The following DLGAP1 variants were observed in gnomAD, a reference collection of about 807,000 sequenced individuals.
DLGAP1 encodes the protein disks large-associated protein 1.
Under a neutral mutation model 90.8 loss-of-function variants are expected in DLGAP1, and 11 were observed. The ratio of observed to expected loss-of-function variants is 0.12; its 90% confidence interval spans 0.08 to 0.20. The LOEUF (loss-of-function observed/expected upper bound fraction) is 0.20, where lower values mean the gene tolerates loss of function less well. Ranked by LOEUF, DLGAP1 falls within the 10% of genes least tolerant of loss-of-function variation. The probability of loss-of-function intolerance (pLI) is 1.00; values close to 1 mark genes in which losing one functional copy is unlikely to be tolerated. For synonymous variants in DLGAP1, 558 were observed against 540.7 expected (o/e 1.03, Z -0.44); for missense variants, 1,050 against 1,333.8 (o/e 0.79, Z 3.31).
At chr18:3,980,138 A>AAAAT (rs1351396816) in intron 3 of DLGAP1, among the ~76,000 whole-genome samples, 1 of 152,178 alleles carries the variant, frequency 6.6e-6, no homozygotes, top group Non-Finnish European at 1.5e-5. Flanking sequence ...TTCATCTCAA[A>AAAAT]AAATAAATAA....
intron 8 of DLGAP1, among the ~76,000 whole-genome samples, chr18:3,581,664 G>GA (rs71159093): frequency 0.89 from 126,236 of 141,992 alleles, 56,398 homozygotes; most frequent in East Asian, 0.99. Context: ...TTCTCACCAT[G>GA]AAAAAAAAAA....
chr18:4,369,908 C>T (rs2081878642), intron 1 of DLGAP1, among the ~76,000 whole-genome samples: 1 of 150,098 alleles, frequency 6.7e-6, no homozygotes. Flanking sequence ...ACACAAAGGG[C>T]CAGGAAGGGG....
chr18:4,409,708 A>G (rs544191546), intron 1 of DLGAP1, among the ~76,000 whole-genome samples: 1 of 152,126 alleles, frequency 6.6e-6, no homozygotes, highest in Non-Finnish European at 1.5e-5. Context: ...GGCGATTTGT[A>G]TATCTTCTTT....
chr18:4,089,000 A>G (rs6506181), intron 2 of DLGAP1, among the ~76,000 whole-genome samples: 39,415 of 152,138 alleles, frequency 0.26, 5,410 homozygotes, highest in Non-Finnish European at 0.31. Context: ...TAGGAAGAGA[A>G]GAAGTCAAAC....
In DLGAP1 at chr18:4,178,197, GAATA is replaced by G. The variant is rs1293530941; in HGVS notation, c.-266-26914_-266-26911del. On this transcript the variant is annotated intron_variant, in intron 1 of 12. Coordinates refer to ENST00000315677, the MANE Select transcript of DLGAP1 (RefSeq NM_004746.4). ...ACCTGTAGAAATCCTACGGGTCCTG[GAATA>G]AACACACACACACACACACACACAC... Among the ~76,000 whole-genome samples the G allele has an allele frequency of 1.1e-4, 13 of 122,008 alleles. 1 individual carries two copies. Among genetic ancestry groups the G allele is most frequent in the African/African-American group, 4.2e-4 (12 of 28,552 alleles). The allele number at this position is 122,008 out of a possible 152,430, so 80.0% of individuals were successfully genotyped here.
At chr18:3,918,962 T>C (rs1362467651) in intron 3 of DLGAP1, among the ~76,000 whole-genome samples, 2 of 152,212 alleles carry the variant, frequency 1.3e-5, no homozygotes, top group African/African-American at 2.4e-5. Flanking sequence ...CACAGGCTTC[T>C]CAAGAGATAC....
At chr18:4,425,812 C>T (rs2083139341) in intron 1 of DLGAP1, among the ~76,000 whole-genome samples, 1 of 152,078 alleles carries the variant, frequency 6.6e-6, no homozygotes, top group Admixed American at 6.5e-5. Flanking sequence ...GCAACTCCCC[C>T]AATATGACCA....
At chr18:3,950,190 C>CA (rs1267993054) in intron 3 of DLGAP1, among the ~76,000 whole-genome samples, 1 of 151,862 alleles carries the variant, frequency 6.6e-6, no homozygotes, top group Non-Finnish European at 1.5e-5. Context: ...ACAGAAACTC[C>CA]AAAAAAAGAG....
chr18:3,965,520 T>C (rs1054663556), intron 3 of DLGAP1, among the ~76,000 whole-genome samples: 1 of 152,140 alleles, frequency 6.6e-6, no homozygotes, highest in African/African-American at 2.4e-5. Context: ...CTGGAGTAGG[T>C]TGTGATCAAA....
At chr18:4,354,097 G>A (rs543491053) in intron 1 of DLGAP1, among the ~76,000 whole-genome samples, 3 of 152,260 alleles carry the variant, frequency 2.0e-5, no homozygotes, top group African/African-American at 4.8e-5. Flanking sequence ...GTTGGGGCTC[G>A]TTACTTTGAA....
chr18:4,049,650 G>A (rs2075104297), intron 2 of DLGAP1, among the ~76,000 whole-genome samples: 1 of 152,230 alleles, frequency 6.6e-6, no homozygotes, highest in Non-Finnish European at 1.5e-5. Flanking sequence ...CTTAGTCCTT[G>A]CTCTTGTCAG....
At chr18:4,236,732 A>T (rs2078424470) in intron 1 of DLGAP1, among the ~76,000 whole-genome samples, 1 of 151,964 alleles carries the variant, frequency 6.6e-6, no homozygotes, top group Admixed American at 6.6e-5. Context: ...GATAAAATAA[A>T]ATAATAACTG....
At chr18:4,358,039 G>A (rs962464345) in intron 1 of DLGAP1, among the ~76,000 whole-genome samples, 1 of 152,200 alleles carries the variant, frequency 6.6e-6, no homozygotes, top group African/African-American at 2.4e-5. Context: ...ATCAGATGGA[G>A]TAACAGAGAG....
chr18:4,338,690 A>G (rs1219357849), intron 1 of DLGAP1, among the ~76,000 whole-genome samples: 2 of 152,198 alleles, frequency 1.3e-5, no homozygotes, highest in Non-Finnish European at 2.9e-5. Context: ...GTGAATGAAT[A>G]AGACATTAAA....
At chr18:3,702,023 C>T (rs1284026575) in intron 7 of DLGAP1, among the ~76,000 whole-genome samples, 1 of 152,146 alleles carries the variant, frequency 6.6e-6, no homozygotes, top group Admixed American at 6.6e-5. Context: ...AGTACCCTGA[C>T]ACTACCTTTA....
intron 5 of DLGAP1, chr18:3,769,943 C>G (rs1167546038): frequency 6.6e-6 from 1 of 151,970 alleles, no homozygotes; most frequent in African/African-American, 2.4e-5. Flanking sequence ...TAATTTTAAT[C>G]TCAAAATAAA....
chr18:3,881,322 G>A (rs2071162652), intron 3 of DLGAP1, among the ~76,000 whole-genome samples: 1 of 152,004 alleles, frequency 6.6e-6, no homozygotes, highest in African/African-American at 2.4e-5. Context: ...CACCATGTTG[G>A]TCAGGCTAGT....
At chr18:4,218,455 C>CT (rs1302890446) in intron 1 of DLGAP1, among the ~76,000 whole-genome samples, 3 of 151,824 alleles carry the variant, frequency 2.0e-5, no homozygotes, top group Non-Finnish European at 4.4e-5. Flanking sequence ...TATAACTTAT[C>CT]TTTTTTTGTG....
At chr18:3,963,346 G>C (rs191077413) in intron 3 of DLGAP1, among the ~76,000 whole-genome samples, 44 of 152,210 alleles carry the variant, frequency 2.9e-4, no homozygotes, top group African/African-American at 9.9e-4. Flanking sequence ...CCTTTGTTGA[G>C]AGCACAGTTG....
Sources: gnomAD v4.1 joint callset for allele counts (sites outside exome capture counted in the v4.1 genomes callset) on GRCh38, gnomAD v4.1.1 for gene constraint, MANE v1.5 for transcripts, NCBI Gene and HGNC (gene_info 2026-07-23, HGNC 2026-07-21) for gene names.